Variants in TTC39C observed in about 807,000 individuals in gnomAD.
TTC39C encodes the protein tetratricopeptide repeat protein 39C.
In TTC39C, 33 loss-of-function variants were observed where a neutral mutation model predicts 76.3. The observed-to-expected ratio is 0.43, with a 90% CI of 0.33 to 0.58. The LOEUF is 0.58. Ranked by LOEUF, TTC39C falls within the 20% of genes least tolerant of loss-of-function variation. TTC39C has a pLI of 0.04. For missense variants in TTC39C, 595 were observed against 701.4 expected, an observed-to-expected ratio of 0.85 and a Z score of 1.71; for synonymous variants, 254 against 260.6, an observed-to-expected ratio of 0.97 and a Z score of 0.24.
upstream of TTC39C, chr18:24,014,680 G>A: frequency 1.2e-6 from 1 of 858,910 alleles, no homozygotes; most frequent in East Asian, 5.0e-5. Context: ...CTCCCACGCC[G>A]CGCCGCAGCC....
intron 6 of TTC39C, among the ~76,000 whole-genome samples, chr18:24,092,992 C>T (rs1019139926): frequency 6.6e-6 from 1 of 152,094 alleles, no homozygotes; most frequent in African/African-American, 2.4e-5. Flanking sequence ...CATCTGAGCC[C>T]AGGATGTTGA....
intron 1 of TTC39C, among the ~76,000 whole-genome samples, chr18:24,060,313 G>GTTTTT (rs1294806136): frequency 7.4e-4 from 66 of 89,234 alleles, no homozygotes; most frequent in Non-Finnish European, 8.6e-4. Flanking sequence ...TTGCGTTTCT[G>GTTTTT]TTTTTTTTTT....
At chr18:24,071,168 C>T (rs1314651966) in intron 4 of TTC39C, among the ~76,000 whole-genome samples, 1 of 152,160 alleles carries the variant, frequency 6.6e-6, no homozygotes, top group Admixed American at 6.5e-5. Context: ...ACCTTGTGAT[C>T]TGCCTGCCTC....
chr18:24,013,427 C>A (rs116379256), upstream of TTC39C, among the ~76,000 whole-genome samples: 1,871 of 152,224 alleles, frequency 0.012, 35 homozygotes, highest in African/African-American at 0.043. Context: ...GTACAATTTA[C>A]AAAATAAGTA....
At chr18:24,082,015 G>GT (rs35218868) in intron 5 of TTC39C, among the ~76,000 whole-genome samples, 4,651 of 120,760 alleles carry the variant, frequency 0.039, 277 homozygotes, top group African/African-American at 0.11. Context: ...TCTGGCTGTT[G>GT]TTTTTTTTTT....
At chr18:24,088,437 A>G (rs1462463683) in intron 6 of TTC39C, among the ~76,000 whole-genome samples, 13 of 152,238 alleles carry the variant, frequency 8.5e-5, no homozygotes, top group Non-Finnish European at 1.0e-4. Context: ...CTCCAGATAT[A>G]TGGGCAGTAT....
intron 1 of TTC39C, among the ~76,000 whole-genome samples, chr18:24,023,984 A>ATCTATATC (rs1568409030): frequency 1.7e-4 from 1 of 5,720 alleles, no homozygotes; most frequent in Non-Finnish European, 6.2e-4. Flanking sequence ...ATATATACAT[A>ATCTATATC]TATATATATA....
At chr18:24,107,888 A>G (rs8091236) in intron 6 of TTC39C, among the ~76,000 whole-genome samples, 6,212 of 136,408 alleles carry the variant, frequency 0.046, 307 homozygotes, top group African/African-American at 0.16. Flanking sequence ...CCTCCCAAGT[A>G]GGGGGGGGGG....
chr18:24,061,593 T>A (rs143615064), intron 1 of TTC39C, among the ~76,000 whole-genome samples: 525 of 95,714 alleles, frequency 5.5e-3, no homozygotes, highest in Non-Finnish European at 5.9e-3. Context: ...TTGAAATAAG[T>A]AAAAAAAAAA....
At chr18:24,109,233 A>G (rs549509726) in intron 6 of TTC39C, among the ~76,000 whole-genome samples, 5 of 151,112 alleles carry the variant, frequency 3.3e-5, no homozygotes, top group Admixed American at 6.6e-5. Context: ...GTGTGCACCT[A>G]TAGTCCCAAC....
chr18:24,064,151 C>A lies in TTC39C; in HGVS notation c.179C>A (p.Pro60Gln). The A allele has an allele frequency of 6.2e-7, 1 of 1,613,428 alleles. No individual in the cohort carries two copies. Among genetic ancestry groups the A allele is most frequent in the Non-Finnish European group, 8.5e-7 (1 of 1,179,800 alleles). ...TGTTTTTTTAACAGAAATCATAGCC[C>A]ACTAATGAGTTTTGGAGCCAGCTTT... ...QLFKQYRNHS[P>Q]LMSFGASFVS... Residue 60 changes from proline (P) to glutamine (Q), a missense_variant, in exon 2 of 14, where the codon CCA (proline) becomes CAA (glutamine). Physicochemically the swap from Pro to Gln is moderately conservative, Grantham distance 76. Coordinates refer to ENST00000317571, the MANE Select transcript of TTC39C (RefSeq NM_001135993.2).
chr18:24,116,410 G>A (rs941144713), intron 7 of TTC39C, among the ~76,000 whole-genome samples: 3 of 152,172 alleles, frequency 2.0e-5, no homozygotes, highest in Non-Finnish European at 4.4e-5. Flanking sequence ...AGGCGTGGTA[G>A]TGGGCGCCTA....
chr18:24,134,255 C>CTTTTTTTTTTTTTTT lies in TTC39C; in HGVS notation c.*1682_*1683insTTTTTTTTTTTTTTT, dbSNP rs1568450608. 4 of 46,708 alleles carry CTTTTTTTTTTTTTTT rather than the reference C, an allele frequency of 8.6e-5. No individual in the cohort carries two copies. The highest frequency in any genetic ancestry group is 2.5e-4 in the African/African-American group (3 of 12,012). The allele number at this position is 46,708 out of a possible 1,614,324, so 2.9% of individuals were successfully genotyped here. A position where few individuals can be genotyped will look rare whatever the true frequency, so the allele number is the denominator to read the frequency against. On this transcript the variant is annotated 3_prime_UTR_variant, in exon 14 of 14. Coordinates refer to ENST00000317571, the MANE Select transcript of TTC39C (RefSeq NM_001135993.2). ...ATTGGTGCCCAAAAATATTGGACATCTGTTTTTTGTTTTTTTTTTTTTTTT... is the reference window on the plus strand; with the variant it reads ...ATTGGTGCCCAAAAATATTGGACATCTTTTTTTTTTTTTTTTGTTTTTTGTTTTTTTTTTTTTTTT...
chr18:24,014,896 C>G lies in TTC39C; in HGVS notation c.25C>G (p.Pro9Ala), dbSNP rs1336600346. 1 of 1,487,612 alleles carries G rather than the reference C, an allele frequency of 6.7e-7. No individual in the cohort carries two copies. 92.2% of individuals were successfully genotyped at this position (1,487,612 alleles called of 1,614,324 possible). Residue 9 changes from proline (P) to alanine (A), a missense_variant, in exon 1 of 14, where the codon CCG becomes GCG. Physicochemically the swap from Pro to Ala is conservative, Grantham distance 27. Transcript: ENST00000317571. Reference sequence around the variant, plus strand: ...CATGGCCGGCTCGGAGCAGCAGCGGCCGCGGCGGCGGGACGACGGAGACTC... The same window carrying G: ...CATGGCCGGCTCGGAGCAGCAGCGGGCGCGGCGGCGGGACGACGGAGACTC... MAGSEQQR[P>A]RRRDDGDSDA...
At chr18:24,019,247 C>G (rs2083491711) in intron 1 of TTC39C, among the ~76,000 whole-genome samples, 1 of 152,166 alleles carries the variant, frequency 6.6e-6, no homozygotes, top group African/African-American at 2.4e-5. Flanking sequence ...CCATCTCCCG[C>G]TTTAACTCTT....
intron 8 of TTC39C, among the ~76,000 whole-genome samples, chr18:24,122,500 C>CAAACAA (rs772221982): frequency 5.9e-5 from 3 of 51,054 alleles, no homozygotes; most frequent in African/African-American, 3.0e-4. Flanking sequence ...GACTCCATCT[C>CAAACAA]AAAAAAAAAA....
In TTC39C at chr18:24,130,839, G is replaced by A. The variant is rs371851371; in HGVS notation, c.1623+422G>A. 5.3e-5 allele frequency among the ~76,000 whole-genome samples: 8 copies of A among 151,808 alleles called. No homozygotes were observed. In the East Asian group the frequency reaches 1.2e-3, roughly 22 times the overall value. ...GTAGGCAACCGTAACACAATGGTAA[G>A]TATTTGTGTATCTAAATATAGAAAA... On this transcript the variant is annotated intron_variant, in intron 12 of 13. Coordinates refer to ENST00000317571, the MANE Select transcript of TTC39C (RefSeq NM_001135993.2).
chr18:24,085,958 C>T (rs184860981), intron 6 of TTC39C, among the ~76,000 whole-genome samples: 31 of 152,290 alleles, frequency 2.0e-4, no homozygotes, highest in East Asian at 3.9e-4. Flanking sequence ...ATGTGTAGGA[C>T]GGTATCAGAA....
intron 2 of TTC39C, among the ~76,000 whole-genome samples, chr18:24,065,605 T>G (rs1222954854): frequency 6.6e-6 from 1 of 152,252 alleles, no homozygotes; most frequent in African/African-American, 2.4e-5. Flanking sequence ...AGCTGTTGTT[T>G]CATTAGCATT....
Sources: gnomAD v4.1 joint callset for allele counts (sites outside exome capture counted in the v4.1 genomes callset) on GRCh38, gnomAD v4.1.1 for gene constraint, MANE v1.5 for transcripts, NCBI Gene and HGNC (gene_info 2026-07-23, HGNC 2026-07-21) for gene names.